Variants in DECR1 observed in about 807,000 individuals in gnomAD.
DECR1 encodes the protein 2,4-dienoyl-CoA reductase [(3E)-enoyl-CoA-producing], mitochondrial.
DECR1 carries 44 observed loss-of-function variants against 38.8 expected under a neutral mutation model. The ratio of observed to expected loss-of-function variants is 1.13; its 90% CI spans 0.89 to 1.46. DECR1 has a LOEUF of 1.46. Ranked by LOEUF, DECR1 falls within the 40% of genes most tolerant of loss-of-function variation. DECR1 has a pLI of 0.00. For missense variants in DECR1, 428 were observed against 405.5 expected, an observed-to-expected ratio of 1.06 and a Z score of -0.48; for synonymous variants, 148 against 135.2, an observed-to-expected ratio of 1.09 and a Z score of -0.66.
In DECR1 at chr8:90,037,115, G is replaced by A. The variant is rs568382624; in HGVS notation, c.665+175G>A. 209 of 543,104 alleles carry A rather than the reference G, an allele frequency of 3.8e-4. 4 individuals carry two copies. In the South Asian group the frequency reaches 5.3e-3, roughly 14 times the overall value. The allele number at this position is 543,104 out of a possible 1,614,324, so 33.6% of individuals were successfully genotyped here. A position where few individuals can be genotyped will look rare whatever the true frequency, so the allele number is the denominator to read the frequency against. ...AGTCCTATTTGTCTATAGCAGCGCTGTCCTGTGGAACTTTCTGCAGTGATG... is the reference window on the plus strand; with the variant it reads ...AGTCCTATTTGTCTATAGCAGCGCTATCCTGTGGAACTTTCTGCAGTGATG... On this transcript the variant is annotated intron_variant, in intron 6 of 9. Transcript: ENST00000220764.
chr8:90,046,256 G>A (rs1264855085), intron 8 of DECR1, among the ~76,000 whole-genome samples: 1 of 152,192 alleles, frequency 6.6e-6, no homozygotes, highest in African/African-American at 2.4e-5. Context: ...CTAAAGGAAG[G>A]TGTTGGAACC....
chr8:90,006,286 A>G, intron 1 of DECR1: 1 of 704,158 alleles, frequency 1.4e-6, no homozygotes, highest in Admixed American at 2.0e-5. Context: ...AGGTATGTCC[A>G]GTTTTATGAG....
Position 90,044,881 on chromosome 8 carries a change from A to T in DECR1, c.771A>T (p.Thr257=). The T allele has an allele frequency of 1.2e-6, 2 of 1,613,716 alleles. No individual in the cohort carries two copies. The highest frequency in any genetic ancestry group is 1.7e-6 in the Non-Finnish European group (2 of 1,179,716). ...TTAGCCGTCTGGACCCAACTGGAACATTTGAGAAAGAAATGATTGGCAGAA... is the reference window on the plus strand; with the variant it reads ...TTAGCCGTCTGGACCCAACTGGAACTTTTGAGAAAGAAATGATTGGCAGAA... ...GAFSRLDPTG[T]FEKEMIGRIP... Residue 257 remains threonine (T), a synonymous_variant, in exon 8 of 10, where the codon ACA becomes ACT. Coordinates refer to ENST00000220764, the MANE Select transcript of DECR1 (RefSeq NM_001359.2).
At chr8:90,048,041 A>G (rs1586168454) in intron 8 of DECR1, among the ~76,000 whole-genome samples, 1 of 152,360 alleles carries the variant, frequency 6.6e-6, no homozygotes, top group South Asian at 2.1e-4. Context: ...AGCAGTGTGT[A>G]GAGGGAAATT....
At chr8:90,003,537 A>G (rs1812667510) in intron 1 of DECR1, among the ~76,000 whole-genome samples, 1 of 152,240 alleles carries the variant, frequency 6.6e-6, no homozygotes, top group African/African-American at 2.4e-5. Context: ...AGGAAACACT[A>G]ATTAATTAAG....
intron 1 of DECR1, among the ~76,000 whole-genome samples, chr8:90,012,872 A>C (rs181255084): frequency 1.3e-5 from 2 of 152,320 alleles, no homozygotes; most frequent in African/African-American, 4.8e-5. Context: ...TTGAAGGCCA[A>C]TTCTGCTGGG....
At chr8:90,018,012 G>A (rs1233204488) in intron 2 of DECR1, among the ~76,000 whole-genome samples, 4 of 151,986 alleles carry the variant, frequency 2.6e-5, no homozygotes, top group African/African-American at 4.8e-5. Context: ...TCGGCCTTCC[G>A]AGTAGCTGGG....
At chr8:90,032,492 A>G (rs1323722955) in intron 5 of DECR1, among the ~76,000 whole-genome samples, 1 of 152,122 alleles carries the variant, frequency 6.6e-6, no homozygotes, top group Non-Finnish European at 1.5e-5. Flanking sequence ...CCCCTCTCTT[A>G]AATCCTGTAA....
intron 5 of DECR1, among the ~76,000 whole-genome samples, chr8:90,030,899 G>A (rs890894942): frequency 1.3e-5 from 2 of 152,066 alleles, no homozygotes; most frequent in African/African-American, 2.4e-5. Context: ...GAGTCATCTC[G>A]TTTGATGGGA....
intron 1 of DECR1, among the ~76,000 whole-genome samples, chr8:90,006,634 T>C (rs1223350119): frequency 6.6e-6 from 1 of 152,034 alleles, no homozygotes; most frequent in East Asian, 1.9e-4. Flanking sequence ...ATTTAGGAGG[T>C]AAAATCAGAG....
intron 5 of DECR1, among the ~76,000 whole-genome samples, chr8:90,021,745 C>T (rs556730565): frequency 2.6e-4 from 39 of 152,190 alleles, no homozygotes; most frequent in Non-Finnish European, 4.9e-4. Context: ...ATAAGATCAA[C>T]AGGCCTTATT....
intron 5 of DECR1, among the ~76,000 whole-genome samples, chr8:90,028,417 A>G (rs1813409692): frequency 6.6e-6 from 1 of 152,046 alleles, no homozygotes; most frequent in Non-Finnish European, 1.5e-5. Context: ...GTATTTATTG[A>G]AAAAATATAT....
chr8:90,042,584 T>A (rs1341065938), intron 6 of DECR1, 144 bp from the exon 7 acceptor site: 10 of 667,390 alleles, frequency 1.5e-5, no homozygotes, highest in Non-Finnish European at 2.4e-5. Flanking sequence ...TTACATTATC[T>A]GTAATATAGG....
At chr8:90,042,617 T>C (rs1308745281) in intron 6 of DECR1, 111 bp from the exon 7 acceptor site, 5 of 843,440 alleles carry the variant, frequency 5.9e-6, no homozygotes, top group Non-Finnish European at 1.0e-5. Flanking sequence ...TACCTACCTG[T>C]TGGGGTTGTA....
intron 2 of DECR1, among the ~76,000 whole-genome samples, chr8:90,018,180 G>A (rs550547582): frequency 2.6e-5 from 4 of 152,160 alleles, no homozygotes; most frequent in African/African-American, 7.2e-5. Context: ...GAGCCACCGC[G>A]CCCAGCCAGT....
rs1812741964 is a variant in DECR1 at position 90,006,427 on chromosome 8, A to G, written c.69+4866A>G. ...AAGGCCCAGCATAAAGGTTATCAAC[A>G]GAGAGTGGGGAGGCAGGAGGTGAGA... On this transcript the variant is annotated intron_variant, in intron 1 of 9. Coordinates refer to ENST00000220764, the MANE Select transcript of DECR1 (RefSeq NM_001359.2). The G allele has an allele frequency of 4.6e-6, 3 of 655,336 alleles. 1 individual carries two copies. Among genetic ancestry groups the G allele is most frequent in the Admixed American group, 2.2e-5 (1 of 45,910 alleles). 40.6% of individuals were successfully genotyped at this position (655,336 alleles called of 1,614,324 possible). A position where few individuals can be genotyped will look rare whatever the true frequency, so the allele number is the denominator to read the frequency against.
chr8:90,052,032 C>A lies in DECR1; in HGVS notation c.*135C>A. 1 of 687,784 alleles carries A rather than the reference C, an allele frequency of 1.5e-6. No individual in the cohort carries two copies. The highest frequency in any genetic ancestry group is 2.4e-6 in the Non-Finnish European group (1 of 408,758). 42.6% of individuals were successfully genotyped at this position (687,784 alleles called of 1,614,324 possible). Reference sequence around the variant, plus strand: ...CATTGAATATGTATTATGTGCCAGGCCAGTGATAGCCATTGTATATTCAAA... The same window carrying A: ...CATTGAATATGTATTATGTGCCAGGACAGTGATAGCCATTGTATATTCAAA... On this transcript the variant is annotated 3_prime_UTR_variant, in exon 10 of 10. Transcript: ENST00000220764.
intron 5 of DECR1, among the ~76,000 whole-genome samples, chr8:90,033,855 CATTTGCTTTGT>C (rs1417032087): frequency 1.3e-5 from 2 of 152,114 alleles, no homozygotes; most frequent in Non-Finnish European, 2.9e-5. Context: ...TCCATTGGAG[CATTTGCTTTGT>C]ATTTGCCACT....
intron 1 of DECR1, among the ~76,000 whole-genome samples, chr8:90,011,511 T>G (rs933869733): frequency 6.6e-5 from 10 of 152,190 alleles, no homozygotes; most frequent in African/African-American, 2.4e-4. Flanking sequence ...TTGATAGGGA[T>G]TTTGTTGAAT....
Sources: gnomAD v4.1 joint callset for allele counts (sites outside exome capture counted in the v4.1 genomes callset) on GRCh38, gnomAD v4.1.1 for gene constraint, MANE v1.5 for transcripts, NCBI Gene and HGNC (gene_info 2026-07-23, HGNC 2026-07-21) for gene names.